Variants in BCL2L13 observed in about 807,000 individuals in gnomAD.
BCL2L13 encodes the protein bcl-2-like protein 13.
BCL2L13 carries 13 observed loss-of-function variants against 25.8 expected under a neutral mutation model. That is an observed-to-expected ratio of 0.50 (90% CI 0.33 to 0.80). The LOEUF is 0.80. BCL2L13 is among the 30% of genes least tolerant of loss of function. The pLI is 0.02. For missense variants in BCL2L13, 504 were observed against 574.9 expected, an observed-to-expected ratio of 0.88 and a Z score of 1.26; for synonymous variants, 244 against 230.3, an observed-to-expected ratio of 1.06 and a Z score of -0.54.
At chr22:17,663,254 GAGT>G (rs2059129408) in intron 2 of BCL2L13, among the ~76,000 whole-genome samples, 2 of 152,188 alleles carry the variant, frequency 1.3e-5, no homozygotes, top group African/African-American at 4.8e-5. Context: ...GCTTAAGAGT[GAGT>G]AGTAGTAAGA....
chr22:17,724,572 T>C (rs541643509), intron 6 of BCL2L13, among the ~76,000 whole-genome samples: 150 of 152,272 alleles, frequency 9.9e-4, no homozygotes, highest in Non-Finnish European at 1.9e-3. Context: ...GGTCGTGTGA[T>C]TTATTTGTAT....
chr22:17,719,701 C>T (rs2535678), intron 6 of BCL2L13, among the ~76,000 whole-genome samples: 22,047 of 151,468 alleles, frequency 0.15, 2,080 homozygotes, highest in Non-Finnish European at 0.21. Flanking sequence ...TGGTGGTGGG[C>T]GCCTGTAATC....
intron 2 of BCL2L13, among the ~76,000 whole-genome samples, chr22:17,670,818 G>A (rs1440967726): frequency 6.6e-6 from 1 of 152,122 alleles, no homozygotes; most frequent in Non-Finnish European, 1.5e-5. Context: ...CCAGACCTTG[G>A]GTGGTGCATG....
intron 4 of BCL2L13, among the ~76,000 whole-genome samples, chr22:17,694,822 G>A (rs1185886109): frequency 6.6e-6 from 1 of 152,130 alleles, no homozygotes; most frequent in African/African-American, 2.4e-5. Context: ...TGCAGGTGGT[G>A]GGGAAAATGT....
intron 4 of BCL2L13, among the ~76,000 whole-genome samples, chr22:17,691,992 G>A (rs1828139467): frequency 1.3e-5 from 2 of 152,164 alleles, no homozygotes; most frequent in South Asian, 4.1e-4. Context: ...GTTTTTAGAA[G>A]TTTTAAGCTC....
At chr22:17,678,049 A>G (rs1275908955) in intron 2 of BCL2L13, among the ~76,000 whole-genome samples, 1 of 152,022 alleles carries the variant, frequency 6.6e-6, no homozygotes, top group African/African-American at 2.4e-5. Context: ...CTGTCTAGAA[A>G]CATAAAATAT....
chr22:17,633,321 G>C (rs536332982), intron 1 of BCL2L13, among the ~76,000 whole-genome samples: 4 of 152,290 alleles, frequency 2.6e-5, no homozygotes, highest in Admixed American at 2.6e-4. Flanking sequence ...TGTCTGAAAA[G>C]AATGTAAGCT....
At chr22:17,687,475 G>A (rs1379450938) in intron 3 of BCL2L13, among the ~76,000 whole-genome samples, 1 of 151,952 alleles carries the variant, frequency 6.6e-6, no homozygotes, top group Non-Finnish European at 1.5e-5. Context: ...CCAGTAGCTG[G>A]GACTATAGGC....
Position 17,729,273 on chromosome 22 carries a change from C to T in BCL2L13, c.*1739C>T, listed in dbSNP as rs1247666952. The stretch of plus-strand genomic sequence containing the variant: ...GTGTCTTTCCAGCTTTATCCTGTAG[C>T]GTGTCTTTGTTCTGTGTTTTAGTGT... On this transcript the variant is annotated 3_prime_UTR_variant, in exon 7 of 7. Transcript: ENST00000317582. 1.3e-5 allele frequency: 2 copies of T among 151,984 alleles called. No homozygotes were observed. Among genetic ancestry groups the T allele is most frequent in the African/African-American group, 4.8e-5 (2 of 41,376 alleles). The allele number at this position is 151,984 out of a possible 1,614,324, so 9.4% of individuals were successfully genotyped here. A position where few individuals can be genotyped will look rare whatever the true frequency, so the allele number is the denominator to read the frequency against.
intron 3 of BCL2L13, 102 bp from the exon 4 acceptor site, chr22:17,688,884 C>T (rs5013026): frequency 0.52 from 605,099 of 1,152,642 alleles, 162,727 homozygotes; most frequent in East Asian, 0.86. Flanking sequence ...TCTCCTGCCT[C>T]AGCCTCCTGA....
At chr22:17,666,678 C>CT (rs35623813) in intron 2 of BCL2L13, among the ~76,000 whole-genome samples, 78,519 of 121,382 alleles carry the variant, frequency 0.65, 25,873 homozygotes, top group East Asian at 0.83. Context: ...GGACCTCATT[C>CT]TTTTTTTTTT....
intron 1 of BCL2L13, among the ~76,000 whole-genome samples, chr22:17,631,967 G>A (rs1282957316): frequency 4.0e-5 from 6 of 151,646 alleles, no homozygotes; most frequent in Non-Finnish European, 7.4e-5. Flanking sequence ...TGATCTGCCC[G>A]CCTTGGCATC....
chr22:17,690,450 C>G (rs1233755651), intron 4 of BCL2L13, among the ~76,000 whole-genome samples: 1 of 152,044 alleles, frequency 6.6e-6, no homozygotes, highest in African/African-American at 2.4e-5. Flanking sequence ...GTGAAATGAG[C>G]AAATGTAAAA....
At chr22:17,715,908 C>T (rs1453740457) in intron 6 of BCL2L13, among the ~76,000 whole-genome samples, 1 of 152,170 alleles carries the variant, frequency 6.6e-6, no homozygotes, top group Non-Finnish European at 1.5e-5. Flanking sequence ...CCTAACAGTA[C>T]TTGATGTTTA....
intron 1 of BCL2L13, among the ~76,000 whole-genome samples, chr22:17,649,374 G>T (rs965184173): frequency 6.6e-6 from 1 of 152,086 alleles, no homozygotes; most frequent in Non-Finnish European, 1.5e-5. Context: ...TGGGATTACA[G>T]GCGTGAGCCA....
chr22:17,628,993 G>C (rs933438225), exon 1 of BCL2L13: 2 of 363,224 alleles, frequency 5.5e-6, no homozygotes, highest in Non-Finnish European at 1.1e-5. Flanking sequence ...CTGTTTTGAG[G>C]AGTACTGGTT....
intron 6 of BCL2L13, among the ~76,000 whole-genome samples, chr22:17,708,133 C>T (rs1387518537): frequency 6.6e-6 from 1 of 151,724 alleles, no homozygotes; most frequent in Non-Finnish European, 1.5e-5. Flanking sequence ...TTGTTATATT[C>T]CTTTTATCTA....
chr22:17,650,873 A>G (rs185353473), intron 1 of BCL2L13, among the ~76,000 whole-genome samples: 2 of 151,794 alleles, frequency 1.3e-5, no homozygotes, highest in Admixed American at 6.6e-5. Flanking sequence ...ATGCCCAGTT[A>G]ATTTTATTTT....
intron 1 of BCL2L13, among the ~76,000 whole-genome samples, chr22:17,646,955 A>ATTTTTTTTTTTTTTTTTTT (rs149460093): frequency 4.5e-5 from 1 of 22,186 alleles, no homozygotes; most frequent in Non-Finnish European, 7.7e-5. Context: ...ATATATATAT[A>ATTTTTTTTTTTTTTTTTTT]TTTTTTTTTT....
Sources: allele counts gnomAD v4.1 joint callset (sites outside exome capture counted in the v4.1 genomes callset), GRCh38; gene constraint gnomAD v4.1.1; transcripts MANE v1.5; gene names NCBI Gene and HGNC (gene_info 2026-07-23, HGNC 2026-07-21).